The following CBLN2 variants were observed in gnomAD, a reference collection of about 807,000 sequenced individuals.
CBLN2 encodes the protein cerebellin-2.
Under a neutral mutation model 15.0 loss-of-function variants are expected in CBLN2, and 7 were observed. That is an observed-to-expected ratio of 0.47 (90% CI 0.27 to 0.88). The LOEUF (loss-of-function observed/expected upper bound fraction) is 0.88, where lower values mean the gene tolerates loss of function less well. Ranked by LOEUF, CBLN2 falls within the 40% of genes least tolerant of loss-of-function variation. The pLI is 0.14. For synonymous variants in CBLN2, 149 were observed against 135.2 expected (o/e 1.10, Z -0.71); for missense variants, 242 against 304.5 (o/e 0.79, Z 1.53).
At chr18:72,538,489 A>G (rs2069084902) in intron 4 of CBLN2, 116 bp from the exon 5 acceptor site, 2 of 1,426,186 alleles carry the variant, frequency 1.4e-6, no homozygotes, top group Admixed American at 3.5e-5. Flanking sequence ...AGTACACATC[A>G]GGGGAGCCTG....
At position 72,543,516 on chromosome 18, in the gene CBLN2, G is replaced by C; in HGVS notation, c.-197C>G. The C allele has an allele frequency of 2.5e-6, 1 of 398,570 alleles. No homozygotes were observed. Among genetic ancestry groups the C allele is most frequent in the Non-Finnish European group, 4.4e-6 (1 of 226,080 alleles). 24.7% of individuals were successfully genotyped at this position (398,570 alleles called of 1,614,324 possible). On this transcript the variant is annotated 5_prime_UTR_variant, in exon 2 of 5. Coordinates refer to ENST00000269503, the MANE Select transcript of CBLN2 (RefSeq NM_182511.4). This position sits in a 1 kb window ranked among gnomAD's most constrained non-coding sequence, Gnocchi z 6.8. ...ACATCCATGCTGGGCGAGCTCCGCT[G>C]TCCGCGAAGTTGCTCTGCTTAGAGA...
At chr18:72,569,113 G>A (rs917729991) in intron 1 of CBLN2, among the ~76,000 whole-genome samples, 20 of 152,080 alleles carry the variant, frequency 1.3e-4, no homozygotes, top group African/African-American at 4.3e-4. Flanking sequence ...CACCGGAGTC[G>A]TTACCACAGG....
At chr18:72,630,539 CCT>C (rs1491209060) in intron 1 of CBLN2, among the ~76,000 whole-genome samples, 3 of 116,650 alleles carry the variant, frequency 2.6e-5, no homozygotes, top group East Asian at 2.3e-4. Flanking sequence ...AACTCACAAC[CCT>C]CCCCCCCACA....
At chr18:72,620,393 G>A (rs1463812483) in intron 1 of CBLN2, 2 of 152,216 alleles carry the variant, frequency 1.3e-5, no homozygotes, top group Non-Finnish European at 2.9e-5. Context: ...AGCAGGAAGG[G>A]GAGCTGGAAA....
chr18:72,550,906 G>A (rs904960887), intron 1 of CBLN2, among the ~76,000 whole-genome samples: 3 of 151,846 alleles, frequency 2.0e-5, no homozygotes, highest in African/African-American at 7.3e-5. Context: ...AATGATATAC[G>A]GCTATATTCT....
At chr18:72,636,032 GA>G (rs1261009559) in intron 1 of CBLN2, among the ~76,000 whole-genome samples, 2 of 152,014 alleles carry the variant, frequency 1.3e-5, no homozygotes, top group Non-Finnish European at 2.9e-5. Flanking sequence ...TGTTCACAGT[GA>G]AAAAGAAAAA....
chr18:72,567,387 G>A (rs1043699370), intron 1 of CBLN2, among the ~76,000 whole-genome samples: 1 of 152,148 alleles, frequency 6.6e-6, no homozygotes, highest in Non-Finnish European at 1.5e-5. Context: ...TGGTTTGGAA[G>A]CTAGCATTCT....
intron 1 of CBLN2, among the ~76,000 whole-genome samples, chr18:72,589,425 A>C (rs2069464398): frequency 6.6e-6 from 1 of 152,176 alleles, no homozygotes; most frequent in South Asian, 2.1e-4. Flanking sequence ...CCAGTGGTGT[A>C]ACCCTGGAGT....
At chr18:72,538,810 C>T (rs1379506938) in intron 3 of CBLN2, 38 bp from the exon 4 acceptor site, 17 of 1,606,336 alleles carry the variant, frequency 1.1e-5, no homozygotes, top group Admixed American at 5.0e-5. Context: ...CAATGGCAAG[C>T]CCCTCCTCGG....
At chr18:72,567,710 C>A (rs1350768216) in intron 1 of CBLN2, among the ~76,000 whole-genome samples, 1 of 152,092 alleles carries the variant, frequency 6.6e-6, no homozygotes, top group African/African-American at 2.4e-5. Context: ...CTTCTTTCTC[C>A]TGGATTACTC....
intron 1 of CBLN2, among the ~76,000 whole-genome samples, chr18:72,630,588 G>GAGAGAGAGAGAGAGAGAGAGAGAGAGAGA (rs1568137265): frequency 6.6e-6 from 1 of 150,484 alleles, no homozygotes; most frequent in South Asian, 2.1e-4. Flanking sequence ...GAGAGAGAGA[G>GAGAGAGAGAGAGAGAGAGAGAGAGAGAGA]GCTTTCTGTA....
chr18:72,542,187 G>C lies in CBLN2; in HGVS notation c.-27C>G. ...GGGACTGGTGGGAGGCGGCGCGCGGGGGTGGAGGCCGGCGCCGGCGCGAGC... is the reference window on the plus strand; with the variant it reads ...GGGACTGGTGGGAGGCGGCGCGCGGCGGTGGAGGCCGGCGCCGGCGCGAGC... On this transcript the variant is annotated 5_prime_UTR_variant, in exon 3 of 5. Transcript: ENST00000269503. 1 of 1,203,410 alleles carries C rather than the reference G, an allele frequency of 8.3e-7. No homozygotes were observed. The highest frequency in any genetic ancestry group is 4.2e-5 in the South Asian group (1 of 24,028). 74.5% of individuals were successfully genotyped at this position (1,203,410 alleles called of 1,614,324 possible).
upstream of CBLN2, among the ~76,000 whole-genome samples, chr18:72,547,713 GA>G (rs1268970105): frequency 4.0e-5 from 6 of 151,874 alleles, no homozygotes; most frequent in Non-Finnish European, 7.4e-5. Context: ...ATGATTTAAG[GA>G]AAAAACTTGT....
intron 1 of CBLN2, among the ~76,000 whole-genome samples, chr18:72,606,913 A>G (rs1353799965): frequency 6.6e-6 from 1 of 152,234 alleles, no homozygotes; most frequent in Non-Finnish European, 1.5e-5. Flanking sequence ...TGCACACAGT[A>G]TGTCTCCCTG....
intron 1 of CBLN2, among the ~76,000 whole-genome samples, chr18:72,634,499 T>C (rs2069799015): frequency 6.6e-6 from 1 of 152,118 alleles, no homozygotes; most frequent in Non-Finnish European, 1.5e-5. Flanking sequence ...ATAAATTGTA[T>C]CTTTCCTGGG....
intron 1 of CBLN2, among the ~76,000 whole-genome samples, chr18:72,628,914 G>C (rs548105624): frequency 1.1e-4 from 17 of 152,124 alleles, no homozygotes; most frequent in African/African-American, 3.6e-4. Context: ...TTCCCCTTTG[G>C]CCTGTGCATA....
At chr18:72,627,945 C>T (rs8098721) in intron 1 of CBLN2, among the ~76,000 whole-genome samples, 31,444 of 152,078 alleles carry the variant, frequency 0.21, 4,986 homozygotes, top group African/African-American at 0.45. Context: ...AATTTTATTA[C>T]CAGGAATTTA....
chr18:72,583,361 A>G (rs2069419982), intron 1 of CBLN2, among the ~76,000 whole-genome samples: 2 of 152,172 alleles, frequency 1.3e-5, no homozygotes, highest in Non-Finnish European at 2.9e-5. Flanking sequence ...TTTCTAGAGC[A>G]GAGCCTGTTA....
chr18:72,573,594 A>G (rs2069345435), intron 1 of CBLN2, among the ~76,000 whole-genome samples: 1 of 152,194 alleles, frequency 6.6e-6, no homozygotes, highest in Admixed American at 6.5e-5. Context: ...ACAGGAATTT[A>G]CATTTCCTAT....
Sources: allele counts gnomAD v4.1 joint callset (sites outside exome capture counted in the v4.1 genomes callset), GRCh38; gene constraint gnomAD v4.1.1; non-coding constraint Gnocchi (gnomAD v3.1); transcripts MANE v1.5; gene names NCBI Gene and HGNC (gene_info 2026-07-23, HGNC 2026-07-21).